CHRM3: variants seen among roughly 807,000 people sequenced by gnomAD.
CHRM3 encodes the protein cholinergic receptor muscarinic 3.
Under a neutral mutation model 41.8 loss-of-function variants are expected in CHRM3, and 11 were observed. The ratio of observed to expected loss-of-function variants is 0.26; its 90% CI spans 0.17 to 0.44. The LOEUF is 0.44. CHRM3 is among the 20% of genes least tolerant of loss of function. CHRM3 has a pLI of 1.00. For missense variants in CHRM3, 571 were observed against 745.4 expected (o/e 0.77, Z 2.72); for synonymous variants, 297 against 301.4 (o/e 0.99, Z 0.15).
At chr1:239,443,133 A>C (rs1663858210) in intron 1 of CHRM3, among the ~76,000 whole-genome samples, 1 of 152,230 alleles carries the variant, frequency 6.6e-6, no homozygotes, top group Non-Finnish European at 1.5e-5. Context: ...TGAATTACAA[A>C]AGTCTGAGGT....
chr1:239,855,903 T>C (rs1460487377), intron 6 of CHRM3, among the ~76,000 whole-genome samples: 3 of 152,236 alleles, frequency 2.0e-5, no homozygotes, highest in Non-Finnish European at 4.4e-5. Flanking sequence ...CTATATGCTT[T>C]CACCTAAATA....
At chr1:239,519,070 C>G (rs1669457701) in intron 2 of CHRM3, among the ~76,000 whole-genome samples, 1 of 151,996 alleles carries the variant, frequency 6.6e-6, no homozygotes, top group South Asian at 2.1e-4. Context: ...ACCTTTCTGA[C>G]TTTTTGGATT....
At chr1:239,718,309 G>T (rs1662596159) in intron 5 of CHRM3, among the ~76,000 whole-genome samples, 1 of 151,990 alleles carries the variant, frequency 6.6e-6, no homozygotes, top group African/African-American at 2.4e-5. Flanking sequence ...ATTCACCATG[G>T]AATGTGTCTT....
intron 5 of CHRM3, among the ~76,000 whole-genome samples, chr1:239,739,265 G>T (rs1664643657): frequency 6.6e-6 from 1 of 152,172 alleles, no homozygotes; most frequent in East Asian, 1.9e-4. Flanking sequence ...TTGAAAACGG[G>T]CATGCACTGA....
At chr1:239,543,376 A>C (rs1658968552) in intron 2 of CHRM3, among the ~76,000 whole-genome samples, 1 of 152,136 alleles carries the variant, frequency 6.6e-6, no homozygotes, top group Admixed American at 6.5e-5. Flanking sequence ...CCTGAGGCTC[A>C]TGATCTTCTG....
chr1:239,760,072 A>G (rs1391397660), intron 5 of CHRM3, among the ~76,000 whole-genome samples: 12 of 129,220 alleles, frequency 9.3e-5, no homozygotes, highest in East Asian at 2.4e-4. Context: ...CCGCCACCAC[A>G]CCCGGCTAAT....
intron 4 of CHRM3, among the ~76,000 whole-genome samples, chr1:239,674,282 G>A (rs185110022): frequency 1.3e-5 from 2 of 152,190 alleles, no homozygotes; most frequent in East Asian, 1.9e-4. Flanking sequence ...TTGATGGGCT[G>A]TACATATTTA....
At chr1:239,866,405 C>CAA (rs796650414) in intron 6 of CHRM3, among the ~76,000 whole-genome samples, 2 of 142,694 alleles carry the variant, frequency 1.4e-5, no homozygotes, top group African/African-American at 5.3e-5. Flanking sequence ...GTCTCAAAAA[C>CAA]AAAAAAAAAA....
At chr1:239,506,141 A>G (rs1379650805) in intron 2 of CHRM3, among the ~76,000 whole-genome samples, 1 of 152,198 alleles carries the variant, frequency 6.6e-6, no homozygotes, top group Non-Finnish European at 1.5e-5. Flanking sequence ...TAGAAAAAAA[A>G]TCTCATTTTC....
chr1:239,444,331 A>G (rs1663962159), intron 1 of CHRM3, among the ~76,000 whole-genome samples: 1 of 152,240 alleles, frequency 6.6e-6, no homozygotes, highest in African/African-American at 2.4e-5. Context: ...GAGTTACCAT[A>G]GGTCACACAA....
intron 1 of CHRM3, among the ~76,000 whole-genome samples, chr1:239,483,060 G>T (rs537699701): frequency 1.3e-5 from 2 of 152,136 alleles, no homozygotes; most frequent in Middle Eastern, 3.2e-3. Flanking sequence ...TTGCTTTTTG[G>T]TTTGGGTTCA....
intron 2 of CHRM3, among the ~76,000 whole-genome samples, chr1:239,527,671 T>C (rs964321406): frequency 2.6e-5 from 4 of 152,232 alleles, no homozygotes; most frequent in African/African-American, 7.2e-5. Context: ...GTTCTTACGG[T>C]GCTTGGTAAA....
At chr1:239,445,570 T>G (rs898752846) in intron 1 of CHRM3, among the ~76,000 whole-genome samples, 1 of 152,176 alleles carries the variant, frequency 6.6e-6, no homozygotes, top group African/African-American at 2.4e-5. Context: ...CTTCCAATGC[T>G]CCTTCATTAG....
At chr1:239,528,523 G>A (rs1358623976) in intron 2 of CHRM3, among the ~76,000 whole-genome samples, 1 of 152,152 alleles carries the variant, frequency 6.6e-6, no homozygotes, top group African/African-American at 2.4e-5. Context: ...CAGCGTACCT[G>A]GTAATCTTTG....
chr1:239,624,681 G>A (rs1432238312), intron 3 of CHRM3, among the ~76,000 whole-genome samples: 1 of 132,998 alleles, frequency 7.5e-6, no homozygotes, highest in African/African-American at 3.0e-5. Context: ...TTTGTATAAG[G>A]TGTAAGGAAG....
chr1:239,680,241 C>A (rs1658432102), intron 5 of CHRM3, among the ~76,000 whole-genome samples: 1 of 152,048 alleles, frequency 6.6e-6, no homozygotes, highest in African/African-American at 2.4e-5. Flanking sequence ...TCCTGCTTCA[C>A]CATCTTCAAT....
At chr1:239,518,758 C>T (rs575037731) in intron 2 of CHRM3, among the ~76,000 whole-genome samples, 1 of 152,308 alleles carries the variant, frequency 6.6e-6, no homozygotes, top group South Asian at 2.1e-4. Context: ...GTCTGAAAGA[C>T]AGAGGCATGG....
intron 6 of CHRM3, among the ~76,000 whole-genome samples, chr1:239,878,583 A>G (rs564579704): frequency 6.6e-6 from 1 of 151,578 alleles, no homozygotes; most frequent in African/African-American, 2.4e-5. Flanking sequence ...AGTAATGACT[A>G]TCTTCTCAGT....
Position 239,467,088 on chromosome 1 carries a change from C to T in CHRM3, c.-520-25621C>T, listed in dbSNP as rs542066831. ...GTTATTAAATATACTAAATTTTTCT[C>T]TGGTTATTTTGTATTTTTTCTTCAA... On this transcript the variant is annotated intron_variant, in intron 1 of 6. Coordinates refer to ENST00000676153, the MANE Select transcript of CHRM3 (RefSeq NM_001375978.1). Among the ~76,000 whole-genome samples, 3 of 152,124 alleles carry T rather than the reference C, an allele frequency of 2.0e-5. No individual in the cohort carries two copies. In the East Asian group the frequency reaches 5.8e-4, roughly 29 times the overall value.
Sources: gnomAD v4.1 joint callset for allele counts (sites outside exome capture counted in the v4.1 genomes callset) on GRCh38, gnomAD v4.1.1 for gene constraint, MANE v1.5 for transcripts, NCBI Gene and HGNC (gene_info 2026-07-23, HGNC 2026-07-21) for gene names.